GULP1: variants seen among roughly 807,000 people sequenced by gnomAD.
GULP1 encodes the protein GULP PTB domain containing engulfment adaptor 1.
GULP1 carries 19 observed loss-of-function variants against 40.9 expected under a neutral mutation model. The ratio of observed to expected loss-of-function variants is 0.46; its 90% CI spans 0.32 to 0.68. The LOEUF is 0.68. Among genes scored for constraint, GULP1 ranks in the 30% least tolerant of loss-of-function variants. GULP1 has a pLI of 0.03. For missense variants in GULP1, 312 were observed against 362.2 expected, an observed-to-expected ratio of 0.86 and a Z score of 1.12; for synonymous variants, 119 against 117.6, an observed-to-expected ratio of 1.01 and a Z score of -0.08.
chr2:188,490,118 T>A (rs538458517), intron 4 of GULP1, among the ~76,000 whole-genome samples: 31 of 152,188 alleles, frequency 2.0e-4, no homozygotes, highest in African/African-American at 7.0e-4. Flanking sequence ...TTTATTTTTT[T>A]AAAAAAGGCA....
intron 7 of GULP1, among the ~76,000 whole-genome samples, chr2:188,547,702 A>G (rs1020127267): frequency 3.9e-5 from 6 of 152,136 alleles, no homozygotes; most frequent in African/African-American, 1.4e-4. Context: ...ACAGACACAC[A>G]CAGGATCAAT....
chr2:188,477,414 A>G (rs1035995789), intron 2 of GULP1, among the ~76,000 whole-genome samples: 1 of 152,276 alleles, frequency 6.6e-6, no homozygotes, highest in Middle Eastern at 3.4e-3. Flanking sequence ...TGGATATATA[A>G]TAGAAAAAAG....
At chr2:188,589,934 G>A in intron 11 of GULP1, 1 of 379,000 alleles carries the variant, frequency 2.6e-6, no homozygotes, top group South Asian at 7.0e-5. Flanking sequence ...CAGTGACTTA[G>A]TCACTATTGC....
At chr2:188,554,779 T>G (rs1406292298) in intron 7 of GULP1, among the ~76,000 whole-genome samples, 1 of 152,076 alleles carries the variant, frequency 6.6e-6, no homozygotes, top group Non-Finnish European at 1.5e-5. Flanking sequence ...TCTATCTCTT[T>G]AGATCTAGAA....
intron 9 of GULP1, among the ~76,000 whole-genome samples, chr2:188,572,185 G>C (rs1290691984): frequency 6.6e-6 from 1 of 152,124 alleles, no homozygotes; most frequent in Non-Finnish European, 1.5e-5. Context: ...TGACCATTTG[G>C]CTGAAATAGC....
At chr2:188,432,595 C>T (rs2056991160) in intron 2 of GULP1, among the ~76,000 whole-genome samples, 1 of 151,484 alleles carries the variant, frequency 6.6e-6, no homozygotes, top group South Asian at 2.1e-4. Context: ...TTATAACCTT[C>T]ATGTCAAAAC....
intron 7 of GULP1, among the ~76,000 whole-genome samples, chr2:188,562,872 G>A (rs1275656326): frequency 6.6e-6 from 1 of 152,020 alleles, no homozygotes; most frequent in Non-Finnish European, 1.5e-5. Context: ...TAAATATTTG[G>A]CCCACATATT....
At chr2:188,332,061 GT>G (rs1406748655) in intron 1 of GULP1, among the ~76,000 whole-genome samples, 1 of 152,084 alleles carries the variant, frequency 6.6e-6, no homozygotes, top group Non-Finnish European at 1.5e-5. Context: ...TGTTTTCAGG[GT>G]ACATTAGAGT....
At chr2:188,419,448 A>T (rs775204161) in intron 2 of GULP1, among the ~76,000 whole-genome samples, 88 of 151,758 alleles carry the variant, frequency 5.8e-4, no homozygotes, top group Non-Finnish European at 1.1e-3. Context: ...TTCCTGTTGG[A>T]TTAGTGATGC....
intron 2 of GULP1, among the ~76,000 whole-genome samples, chr2:188,443,721 C>T (rs1157047241): frequency 6.9e-6 from 1 of 145,940 alleles, no homozygotes; most frequent in East Asian, 2.0e-4. Flanking sequence ...GAGTCTTGCT[C>T]TGTCGCCCAG....
intron 1 of GULP1, among the ~76,000 whole-genome samples, chr2:188,318,517 C>T (rs2039477135): frequency 6.6e-6 from 1 of 152,122 alleles, no homozygotes; most frequent in South Asian, 2.1e-4. Context: ...TGGGACTCAA[C>T]AACGGAGACA....
At chr2:188,428,855 G>C (rs975755216) in intron 2 of GULP1, among the ~76,000 whole-genome samples, 2 of 151,160 alleles carry the variant, frequency 1.3e-5, no homozygotes, top group Non-Finnish European at 2.9e-5. Context: ...ACCCACTCTT[G>C]TTAGCTCTAA....
Position 188,350,372 on chromosome 2 carries a change from A to T in GULP1, c.-171-33391A>T, listed in dbSNP as rs555296182. Among the ~76,000 whole-genome samples, 4 of 152,144 alleles carry T rather than the reference A, an allele frequency of 2.6e-5. No homozygotes were observed. The East Asian group carries it at 7.7e-4, about 29-fold the overall frequency. Reference sequence around the variant, plus strand: ...AGTTCTTCTCTAATTTCTTTCAACAATGTGTTTTTAGTTTTCAGTGAACAC... The same window carrying T: ...AGTTCTTCTCTAATTTCTTTCAACATTGTGTTTTTAGTTTTCAGTGAACAC... On this transcript the variant is annotated intron_variant, in intron 1 of 11. Coordinates refer to ENST00000409830, the MANE Select transcript of GULP1 (RefSeq NM_016315.4).
intron 1 of GULP1, among the ~76,000 whole-genome samples, chr2:188,380,019 A>G (rs1373505025): frequency 6.6e-6 from 1 of 152,148 alleles, no homozygotes; most frequent in East Asian, 1.9e-4. Flanking sequence ...ATACAGACTT[A>G]TTTTCCTCTC....
intron 2 of GULP1, among the ~76,000 whole-genome samples, chr2:188,443,490 G>A (rs2058111491): frequency 6.6e-6 from 1 of 151,998 alleles, no homozygotes; most frequent in Non-Finnish European, 1.5e-5. Flanking sequence ...AGAAAAAAAA[G>A]AGTTTAATGA....
intron 1 of GULP1, among the ~76,000 whole-genome samples, chr2:188,354,206 A>C (rs572978415): frequency 3.9e-5 from 6 of 152,098 alleles, no homozygotes; most frequent in African/African-American, 1.4e-4. Flanking sequence ...AATTTTTACC[A>C]TCTCAGAGTC....
intron 2 of GULP1, among the ~76,000 whole-genome samples, chr2:188,429,822 TGCCTCAGCCTCCC>T (rs2056655433): frequency 1.3e-5 from 2 of 151,676 alleles, no homozygotes; most frequent in African/African-American, 4.9e-5. Flanking sequence ...GCCGTTCTCC[TGCCTCAGCCTCCC>T]GAGTAGCTGG....
At chr2:188,496,821 C>T (rs1032876444) in intron 4 of GULP1, among the ~76,000 whole-genome samples, 3 of 151,838 alleles carry the variant, frequency 2.0e-5, no homozygotes, top group African/African-American at 7.3e-5. Context: ...TAACACCATC[C>T]GCCTTGATGT....
chr2:188,467,744 A>T (rs930706344), intron 2 of GULP1, among the ~76,000 whole-genome samples: 7 of 152,138 alleles, frequency 4.6e-5, no homozygotes, highest in Admixed American at 4.6e-4. Flanking sequence ...GCATATTGAC[A>T]TATGAGATAC....
Sources: gnomAD v4.1 joint callset for allele counts (sites outside exome capture counted in the v4.1 genomes callset) on GRCh38, gnomAD v4.1.1 for gene constraint, MANE v1.5 for transcripts, NCBI Gene and HGNC (gene_info 2026-07-23, HGNC 2026-07-21) for gene names.